The following KLHL1 variants were observed in gnomAD, a reference collection of about 807,000 sequenced individuals.
KLHL1 encodes the protein kelch like family member 1.
In KLHL1, 47 loss-of-function variants were observed where a neutral mutation model predicts 77.7. The observed-to-expected ratio is 0.60, with a 90% CI of 0.48 to 0.77. The LOEUF (loss-of-function observed/expected upper bound fraction) is 0.77. Among genes scored for constraint, KLHL1 ranks in the 30% least tolerant of loss-of-function variants. The pLI is 0.00. For synonymous variants in KLHL1, 360 were observed against 325.2 expected (o/e 1.11, Z -1.15); for missense variants, 925 against 910.8 (o/e 1.02, Z -0.20).
rs111983502 is a variant in KLHL1 at position 69,734,407 on chromosome 13, T to C, written c.1802+5987A>G. ...TTTCCCAGTTTCGGGTATTTCTTTA[T>C]AGCAATGTGAGAATGAACTAACACA... On this transcript the variant is annotated intron_variant, in intron 8 of 10. Transcript: ENST00000377844. Among the ~76,000 whole-genome samples, 20 of 152,268 alleles carry C rather than the reference T, an allele frequency of 1.3e-4. 1 individual carries two copies. Among genetic ancestry groups the C allele is most frequent in the African/African-American group, 4.8e-4 (20 of 41,552 alleles).
At chr13:69,843,216 A>G (rs1440319248) in intron 5 of KLHL1, among the ~76,000 whole-genome samples, 1 of 151,744 alleles carries the variant, frequency 6.6e-6, no homozygotes, top group East Asian at 1.9e-4. Flanking sequence ...AACACACTAT[A>G]TGCACGTAAC....
intron 1 of KLHL1, among the ~76,000 whole-genome samples, chr13:70,027,652 G>GTTGTTTTTTTTTTTTTT (rs1555291738): frequency 7.4e-6 from 1 of 135,840 alleles, no homozygotes; most frequent in Non-Finnish European, 1.5e-5. Flanking sequence ...AATGTAAGTT[G>GTTGTTTTTTTTTTTTTT]TTTTTTTTTT....
At chr13:69,768,367 G>A (rs1213632444) in intron 7 of KLHL1, among the ~76,000 whole-genome samples, 1 of 152,014 alleles carries the variant, frequency 6.6e-6, no homozygotes, top group Non-Finnish European at 1.5e-5. Flanking sequence ...GCTGTGATTT[G>A]GACCTAGTGG....
At chr13:69,749,672 G>A (rs533700096) in intron 7 of KLHL1, among the ~76,000 whole-genome samples, 32 of 151,948 alleles carry the variant, frequency 2.1e-4, no homozygotes, top group African/African-American at 6.5e-4. Context: ...GTTGGCCTTC[G>A]AATATGGAGA....
At chr13:70,100,537 G>T (rs2137453896) in intron 1 of KLHL1, among the ~76,000 whole-genome samples, 1 of 152,216 alleles carries the variant, frequency 6.6e-6, no homozygotes, top group South Asian at 2.1e-4. Flanking sequence ...GTTTCACTAA[G>T]TTGGCCAGGC....
At chr13:69,735,561 A>C (rs1246323123) in intron 8 of KLHL1, among the ~76,000 whole-genome samples, 2 of 149,422 alleles carry the variant, frequency 1.3e-5, no homozygotes, top group Admixed American at 1.3e-4. Context: ...GTATAAATAG[A>C]TATAAATAAA....
chr13:69,983,938 G>A (rs2137303112), intron 1 of KLHL1, among the ~76,000 whole-genome samples: 1 of 152,128 alleles, frequency 6.6e-6, no homozygotes, highest in East Asian at 1.9e-4. Context: ...ATGATGCTTG[G>A]AAAACTGGAT....
chr13:69,872,507 A>G (rs1168475561), intron 5 of KLHL1, among the ~76,000 whole-genome samples: 1 of 151,922 alleles, frequency 6.6e-6, no homozygotes, highest in Non-Finnish European at 1.5e-5. Flanking sequence ...ATAATACACA[A>G]TCCATGTGCC....
At chr13:69,849,484 C>CTCTT (rs758100071) in intron 5 of KLHL1, among the ~76,000 whole-genome samples, 2 of 151,380 alleles carry the variant, frequency 1.3e-5, no homozygotes, top group East Asian at 3.9e-4. Flanking sequence ...CATTTATGCT[C>CTCTT]TCTTTCTCTC....
At chr13:70,066,535 C>T (rs981882838) in intron 1 of KLHL1, among the ~76,000 whole-genome samples, 4 of 152,170 alleles carry the variant, frequency 2.6e-5, no homozygotes, top group African/African-American at 7.2e-5. Context: ...TTAAACACTG[C>T]TTTGGGAATC....
intron 2 of KLHL1, among the ~76,000 whole-genome samples, chr13:69,971,500 C>T (rs1034787819): frequency 6.6e-6 from 1 of 152,020 alleles, no homozygotes; most frequent in African/African-American, 2.4e-5. Flanking sequence ...TTCACCAACT[C>T]ATTATCCTTG....
chr13:69,819,324 T>C (rs1331628517), intron 6 of KLHL1, among the ~76,000 whole-genome samples: 3 of 152,180 alleles, frequency 2.0e-5, no homozygotes, highest in Non-Finnish European at 4.4e-5. Context: ...ATATGAAAAT[T>C]AGAGGCATGC....
intron 1 of KLHL1, among the ~76,000 whole-genome samples, chr13:70,048,742 T>A (rs1054168199): frequency 2.0e-5 from 3 of 152,196 alleles, no homozygotes; most frequent in African/African-American, 7.2e-5. Context: ...ATGCCAGCGA[T>A]GGAGAGCAGT....
At chr13:69,973,023 T>C (rs1417340246) in intron 2 of KLHL1, among the ~76,000 whole-genome samples, 1 of 151,956 alleles carries the variant, frequency 6.6e-6, no homozygotes, top group Non-Finnish European at 1.5e-5. Flanking sequence ...GAAAGTGATA[T>C]TCCTCTTAGG....
At chr13:69,949,634 C>T (rs1883642391) in intron 3 of KLHL1, among the ~76,000 whole-genome samples, 1 of 151,740 alleles carries the variant, frequency 6.6e-6, no homozygotes, top group Non-Finnish European at 1.5e-5. Context: ...ACTCTATCTC[C>T]ATGACGGTGG....
chr13:69,871,200 T>C (rs948480916), intron 5 of KLHL1, among the ~76,000 whole-genome samples: 2 of 152,124 alleles, frequency 1.3e-5, no homozygotes, highest in Non-Finnish European at 2.9e-5. Context: ...AACAATGGCC[T>C]AAGCAGTACC....
At position 69,721,796 on chromosome 13, in the gene KLHL1, CTT is replaced by C. The variant is rs541426238; in HGVS notation, c.1803-2217_1803-2216del. On this transcript the variant is annotated intron_variant, in intron 8 of 10. Transcript: ENST00000377844. ...TGTTCCCTTGATGCGTGTAATACCTCTTTGCTTGATTACTCACAAGTAGTCTG... is the reference window on the plus strand; with the variant it reads ...TGTTCCCTTGATGCGTGTAATACCTCTGCTTGATTACTCACAAGTAGTCTG... Among the ~76,000 whole-genome samples, 65 of 152,118 alleles carry C rather than the reference CTT, an allele frequency of 4.3e-4. 1 individual carries two copies. In the East Asian group the frequency reaches 0.012, roughly 27 times the overall value.
At chr13:70,071,564 A>G (rs159919) in intron 1 of KLHL1, among the ~76,000 whole-genome samples, 150,435 of 152,004 alleles carry the variant, frequency 0.99, 74,472 homozygotes, top group East Asian at 1. Flanking sequence ...AAGACACATC[A>G]CATTGCAGGC....
intron 7 of KLHL1, among the ~76,000 whole-genome samples, chr13:69,764,392 G>T (rs537247710): frequency 6.6e-6 from 1 of 152,038 alleles, no homozygotes; most frequent in Non-Finnish European, 1.5e-5. Context: ...ATTCTGGTTC[G>T]AAGGGAGGCC....
Sources: allele counts gnomAD v4.1 joint callset (sites outside exome capture counted in the v4.1 genomes callset), GRCh38; gene constraint gnomAD v4.1.1; transcripts MANE v1.5; gene names NCBI Gene and HGNC (gene_info 2026-07-23, HGNC 2026-07-21).